Variants in BAHCC1 observed in about 807,000 individuals in gnomAD.
BAHCC1 encodes the protein BAH domain and coiled-coil containing 1.
BAHCC1 carries 43 observed loss-of-function variants against 88.2 expected under a neutral mutation model. The ratio of observed to expected loss-of-function variants is 0.49; its 90% CI spans 0.38 to 0.63. The LOEUF (loss-of-function observed/expected upper bound fraction) is 0.63. Ranked by LOEUF, BAHCC1 falls within the 20% of genes least tolerant of loss-of-function variation. The probability of loss-of-function intolerance (pLI) is 0.00; values close to 1 mark genes in which losing one functional copy is unlikely to be tolerated. For synonymous variants in BAHCC1, 1,510 were observed against 745.5 expected (o/e 2.03, Z -16.71); for missense variants, 3,023 against 1,654.8 (o/e 1.83, Z -14.34).
intron 2 of BAHCC1, among the ~76,000 whole-genome samples, chr17:81,416,748 C>T (rs113252787): frequency 2.2e-4 from 34 of 152,342 alleles, no homozygotes; most frequent in African/African-American, 7.9e-4. Flanking sequence ...TTCAGCTGCT[C>T]TGGCATGGAG....
At position 81,444,523 on chromosome 17, in the gene BAHCC1, C is replaced by T. The variant is rs1555653741; in HGVS notation, c.2467C>T (p.Pro823Ser). 1.4e-6 allele frequency: 1 copy of T among 696,364 alleles called. No individual in the cohort carries two copies. Among genetic ancestry groups the T allele is most frequent in the Non-Finnish European group, 2.6e-6 (1 of 380,190 alleles). 43.1% of individuals were successfully genotyped at this position (696,364 alleles called of 1,614,324 possible). A position where few individuals can be genotyped will look rare whatever the true frequency, so the allele number is the denominator to read the frequency against. ...CACCCACCCCCATCCCCCCTGGCTG[C>T]CCCGCACCCGCAGCCCCTCCCTGTG... ...PHTHPHPPWL[P>S]RTRSPSLWMG... is the part of the protein sequence containing the mutation. The change falls in exon 7 of 28, where the codon CCC (proline) becomes TCC (serine). Residue 823 changes from proline to serine, a missense_variant. Transcript: ENST00000675386.
chr17:81,402,151 T>G (rs1438085906), intron 2 of BAHCC1: 2 of 152,070 alleles, frequency 1.3e-5, no homozygotes, highest in Non-Finnish European at 2.9e-5. Flanking sequence ...TCTTTCAGGG[T>G]CTGAAGGGTC....
In BAHCC1 at chr17:81,461,653, C is replaced by A; in HGVS notation, c.6990C>A (p.Gly2330=). 1.4e-6 allele frequency: 1 copy of A among 735,328 alleles called. No individual in the cohort carries two copies. Among genetic ancestry groups the A allele is most frequent in the Admixed American group, 1.9e-5 (1 of 51,364 alleles). The allele number at this position is 735,328 out of a possible 1,614,324, so 45.6% of individuals were successfully genotyped here. The change falls in exon 26 of 28, where the codon GGC becomes GGA. Residue 2330 remains glycine, a synonymous_variant. Coordinates refer to ENST00000675386, the MANE Select transcript of BAHCC1 (RefSeq NM_001377448.1). The part of the protein sequence containing the change: ...SSGSSTSSSS[G]SVSTSSLCSS... ...GCTCGTCCACCTCCTCCTCCTCAGG[C>A]TCCGTGTCCACCTCCAGCCTCTGCT... is the stretch of plus-strand genomic sequence containing the variant.
At position 81,418,796 on chromosome 17, in the gene BAHCC1, C is replaced by CGTGTGCGCGCAT. The variant is rs1555649105; in HGVS notation, c.179-7999_179-7998insCGCGCATGTGTG. 3.9e-3 allele frequency among the ~76,000 whole-genome samples: 572 copies of CGTGTGCGCGCAT among 144,912 alleles called. 7 individuals are homozygous for CGTGTGCGCGCAT. The highest frequency in any genetic ancestry group is 0.014 in the African/African-American group (548 of 37,940). Reference sequence around the variant, plus strand: ...GTGTACGTGTGTGTGTACGTGTGTGCGTGTGTGTGTGTACGTGTGTGTGTG... The same window carrying CGTGTGCGCGCAT: ...GTGTACGTGTGTGTGTACGTGTGTGCGTGTGCGCGCATGTGTGTGTGTGTACGTGTGTGTGTG... On this transcript the variant is annotated intron_variant, in intron 2 of 27. Transcript: ENST00000675386.
Position 81,417,267 on chromosome 17 carries a change from G to A in BAHCC1, c.179-9533G>A, listed in dbSNP as rs966159363. On this transcript the variant is annotated intron_variant, in intron 2 of 27. Transcript: ENST00000675386. ...GGCGAGGAGACTCATCCAGCTGCGG[G>A]GGGCGGCGCCGAGGGAGTGGCGCTG... Among the ~76,000 whole-genome samples, 7 of 152,310 alleles carry A rather than the reference G, an allele frequency of 4.6e-5. No individual in the cohort carries two copies. The East Asian group carries it at 9.7e-4, about 21-fold the overall frequency.
rs554840360 is a variant in BAHCC1 at position 81,449,802 on chromosome 17, C to A, written c.3977-1866C>A. 5.1e-4 allele frequency among the ~76,000 whole-genome samples: 78 copies of A among 152,286 alleles called. 1 individual carries two copies. In the South Asian group the frequency reaches 0.016, roughly 30 times the overall value. On this transcript the variant is annotated intron_variant, in intron 11 of 27. Transcript: ENST00000675386. The stretch of plus-strand genomic sequence containing the variant: ...GAGCTTTGCACCCCAGCATCTGCCC[C>A]TCCGAGCACCTCCTGGCTTCTTAGT...
Position 81,442,011 on chromosome 17 carries a change from G to A in BAHCC1, c.662G>A (p.Gly221Asp). 1.4e-6 allele frequency: 1 copy of A among 738,790 alleles called. No individual in the cohort carries two copies. 45.8% of individuals were successfully genotyped at this position (738,790 alleles called of 1,614,324 possible). ...GPKDFDRFLV[G>D]KELGREKAGK... ...AAGGACTTCGACCGCTTCCTCGTGG[G>A]CAAAGAGCTGGGCAGAGAGAAGGCG... The change falls in exon 5 of 28, where the codon GGC becomes GAC. Residue 221 changes from glycine to aspartate, a missense_variant. Transcript: ENST00000675386.
chr17:81,415,017 G>T (rs2064001768), intron 2 of BAHCC1, among the ~76,000 whole-genome samples: 2 of 152,162 alleles, frequency 1.3e-5, no homozygotes, highest in African/African-American at 4.8e-5. Flanking sequence ...CAGCAGCCGT[G>T]CACTCTGCAC....
rs1555659630 is a variant in BAHCC1, at chr17:81,461,964, C to T, written c.7301C>T (p.Pro2434Leu). ...AAAGAGCTCTCCCGGAGGCAGCGGC[C>T]GCCCTCCGTGGAAAACCGGCCAAAG... ...KAKELSRRQR[P>L]PSVENRPKIS... Residue 2434 changes from proline (P) to leucine (L), a missense_variant, in exon 26 of 28, where the codon CCG (proline) becomes CTG (leucine). Physicochemically the swap from Pro to Leu is moderately conservative, Grantham distance 98. Coordinates refer to ENST00000675386, the MANE Select transcript of BAHCC1 (RefSeq NM_001377448.1). The T allele has an allele frequency of 6.5e-6, 5 of 772,706 alleles. No homozygotes were observed. Among genetic ancestry groups the T allele is most frequent in the East Asian group, 4.9e-5 (2 of 40,848 alleles). 47.9% of individuals were successfully genotyped at this position (772,706 alleles called of 1,614,324 possible). A position where few individuals can be genotyped will look rare whatever the true frequency, so the allele number is the denominator to read the frequency against.
intron 2 of BAHCC1, among the ~76,000 whole-genome samples, chr17:81,425,738 G>T (rs2064182754): frequency 2.8e-5 from 4 of 142,694 alleles, no homozygotes; most frequent in Admixed American, 6.9e-5. Context: ...GGTTGGTGGT[G>T]ATGTGGTTGG....
rs868938109 is a variant in BAHCC1, at chr17:81,441,073, G to A, written c.482-758G>A. Among the ~76,000 whole-genome samples the A allele has an allele frequency of 9.9e-5, 15 of 151,754 alleles. No individual in the cohort carries two copies. In the South Asian group the frequency reaches 1.2e-3, roughly 13 times the overall value. ...ACTCACTGCCTGCCCCGCGTCCCCC[G>A]AAAATCCACTGCCTGCCCCGCGTCC... On this transcript the variant is annotated intron_variant, in intron 4 of 27. Transcript: ENST00000675386.
In BAHCC1 at chr17:81,443,373, C is replaced by G. The variant is rs2064460469; in HGVS notation, c.2024C>G (p.Pro675Arg). 1.3e-6 allele frequency: 1 copy of G among 776,558 alleles called. No individual in the cohort carries two copies. The highest frequency in any genetic ancestry group is 1.3e-5 in the South Asian group (1 of 74,238). 48.1% of individuals were successfully genotyped at this position (776,558 alleles called of 1,614,324 possible). A position where few individuals can be genotyped will look rare whatever the true frequency, so the allele number is the denominator to read the frequency against. Residue 675 changes from proline to arginine, a missense_variant, in exon 5 of 28, where the codon CCA becomes CGA. Transcript: ENST00000675386. The stretch of plus-strand genomic sequence containing the variant: ...GCAAAGTTCCTGTCCTCTAAGGGCC[C>G]AGGCCAGTCGGAGAGGCCGGACTGT... The part of the protein sequence containing the change: ...QEAKFLSSKG[P>R]GQSERPDCAR...
At chr17:81,400,059 G>A in intron 2 of BAHCC1, 142 bp downstream of exon 2, 1 of 780,982 alleles carries the variant, frequency 1.3e-6, no homozygotes, top group South Asian at 5.8e-5. Flanking sequence ...GCTGAGCGGG[G>A]CCGCGCGTCC....
At chr17:81,417,565 C>CG (rs1202262962) in intron 2 of BAHCC1, among the ~76,000 whole-genome samples, 9 of 147,380 alleles carry the variant, frequency 6.1e-5, no homozygotes, top group Admixed American at 2.0e-4. Flanking sequence ...ACCCCCCCCC[C>CG]GCCCTAGCCA....
intron 3 of BAHCC1, among the ~76,000 whole-genome samples, chr17:81,437,253 C>T (rs566737245): frequency 8.1e-4 from 123 of 152,388 alleles, no homozygotes; most frequent in African/African-American, 2.8e-3. Flanking sequence ...GCCAGACCCC[C>T]AACCACAGCC....
chr17:81,450,442 G>A (rs1347131214), intron 11 of BAHCC1, among the ~76,000 whole-genome samples: 1 of 152,172 alleles, frequency 6.6e-6, no homozygotes, highest in African/African-American at 2.4e-5. Flanking sequence ...CCTTCCCCAG[G>A]CCACTGCCTG....
At chr17:81,438,234 C>T (rs1254842289) in intron 3 of BAHCC1, 136 bp from the exon 4 acceptor site, 5 of 649,228 alleles carry the variant, frequency 7.7e-6, no homozygotes, top group Non-Finnish European at 1.1e-5. Flanking sequence ...TTGATTTCCC[C>T]CCGGCGGCTG....
chr17:81,406,099 T>A (rs913617135), intron 2 of BAHCC1, among the ~76,000 whole-genome samples: 1 of 152,208 alleles, frequency 6.6e-6, no homozygotes, highest in Non-Finnish European at 1.5e-5. Flanking sequence ...CTGCCTGCCT[T>A]CTTAATGGGT....
Position 81,460,860 on chromosome 17 carries a change from CCTCAGGTAAAGCCGAA to C in BAHCC1, c.6203-2_6216del. The C allele has an allele frequency of 1.3e-6, 1 of 766,476 alleles. No individual in the cohort carries two copies. 47.5% of individuals were successfully genotyped at this position (766,476 alleles called of 1,614,324 possible). On this transcript the variant is annotated splice_acceptor_variant and splice_polypyrimidine_tract_variant and coding_sequence_variant and intron_variant, in exon 26 of 28. Transcript: ENST00000675386. The stretch of plus-strand genomic sequence containing the variant: ...GGGGCTGACTCTGCTGGGCTTTTGC[CCTCAGGTAAAGCCGAA>C]CTCCTAACCTCAGGTGCCAAATCCC...
Sources: gnomAD v4.1 joint callset for allele counts (sites outside exome capture counted in the v4.1 genomes callset) on GRCh38, gnomAD v4.1.1 for gene constraint, MANE v1.5 for transcripts, NCBI Gene and HGNC (gene_info 2026-07-23, HGNC 2026-07-21) for gene names.